DUOX2: variants seen among roughly 807,000 people sequenced by gnomAD.
DUOX2 encodes the protein dual oxidase 2.
Under a neutral mutation model 183.3 loss-of-function variants are expected in DUOX2, and 185 were observed. The observed-to-expected ratio is 1.01, with a 90% CI of 0.90 to 1.14. The LOEUF (loss-of-function observed/expected upper bound fraction) is 1.14, where lower values mean the gene tolerates loss of function less well. Among genes scored for constraint, DUOX2 ranks in the 50% most tolerant of loss-of-function variants. DUOX2 has a pLI of 0.00. For synonymous variants in DUOX2, 788 were observed against 812.4 expected, an observed-to-expected ratio of 0.97 and a Z score of 0.51; for missense variants, 1,999 against 2,022.9, an observed-to-expected ratio of 0.99 and a Z score of 0.23.
chr15:45,109,496 C>T, intron 11 of DUOX2, 28 bp downstream of exon 11: 1 of 1,608,240 alleles, frequency 6.2e-7, no homozygotes, highest in Non-Finnish European at 8.5e-7. Flanking sequence ...GGTCCCTTAC[C>T]ATCCACCCCT....
intron 9 of DUOX2, 151 bp downstream of exon 9, chr15:45,110,277 T>A (rs1459016739): frequency 2.7e-6 from 2 of 748,792 alleles, no homozygotes; most frequent in Non-Finnish European, 4.4e-6. Flanking sequence ...AGCCTACACA[T>A]CTTACCCCAG....
At chr15:45,105,956 G>A in intron 17 of DUOX2, 128 bp from the exon 18 acceptor site, 1 of 1,407,672 alleles carries the variant, frequency 7.1e-7, no homozygotes, top group Non-Finnish European at 9.8e-7. Context: ...CTGGGGCCAG[G>A]TGTGTGGACG....
chr15:45,107,943 G>T, intron 13 of DUOX2, 104 bp downstream of exon 13: 1 of 1,334,650 alleles, frequency 7.5e-7, no homozygotes, highest in Non-Finnish European at 1.1e-6. Flanking sequence ...GGTGTGGTGG[G>T]CTGACTGGGA....
chr15:45,094,865 C>T, intron 32 of DUOX2, 71 bp downstream of exon 32: 3 of 1,606,320 alleles, frequency 1.9e-6, no homozygotes, highest in South Asian at 2.2e-5. Context: ...CCCACCTGCC[C>T]TGGCCATCCT....
chr15:45,095,657 G>C lies in DUOX2; in HGVS notation c.4081-62C>G. The C allele has an allele frequency of 1.9e-6, 3 of 1,609,562 alleles. No individual in the cohort carries two copies. In the African/African-American group the frequency reaches 4.0e-5, roughly 21 times the overall value. ...CTGCCCCAGCTCTGAGACCAGAAAC[G>C]GAGACACAGGCAGAGGGAGGATACA... On this transcript the variant is annotated intron_variant, in intron 30 of 33. Coordinates refer to ENST00000389039, the MANE Select transcript of DUOX2 (RefSeq NM_001363711.2).
chr15:45,109,414 G>A, intron 11 of DUOX2, 110 bp downstream of exon 11: 1 of 873,940 alleles, frequency 1.1e-6, no homozygotes, highest in Non-Finnish European at 1.9e-6. Context: ...GTCTGTGTTT[G>A]TATCTGTGTT....
At chr15:45,094,725 G>T (rs754112119) in intron 32 of DUOX2, 34 bp from the exon 33 acceptor site, 1 of 1,612,848 alleles carries the variant, frequency 6.2e-7, no homozygotes, top group South Asian at 1.1e-5. Flanking sequence ...ACCAAAGACA[G>T]TCAGGGCCAG....
rs368681350 is a variant in DUOX2 at position 45,100,108 on chromosome 15, G to C, written c.3126C>G (p.Ile1042Met). The C allele has an allele frequency of 1.9e-6, 3 of 1,614,102 alleles. No homozygotes were observed. Among genetic ancestry groups the C allele is most frequent in the Non-Finnish European group, 2.5e-6 (3 of 1,180,046 alleles). The change falls in exon 24 of 34, where the codon ATC (isoleucine) becomes ATG (methionine). Residue 1042 changes from isoleucine to methionine, a missense_variant. Physicochemically the swap from Ile to Met is conservative, Grantham distance 10. This residue lies in a region of DUOX2 where 1,628 missense variants were observed against 1,608.6 expected (regional missense o/e 1.01). Transcript: ENST00000389039. ...KRFVENYRRH[I>M]VCVAIFSAIC... is the part of the protein sequence containing the mutation. ...TGGCCGAGAAGATTGCCACACACACGATGTGCCTCCGGTAGTTCTCCACGA... is the reference window on the plus strand; with the variant it reads ...TGGCCGAGAAGATTGCCACACACACCATGTGCCTCCGGTAGTTCTCCACGA...
chr15:45,094,522 G>A (rs773746848), intron 33 of DUOX2, 41 bp downstream of exon 33: 1 of 1,589,510 alleles, frequency 6.3e-7, no homozygotes, highest in African/African-American at 1.3e-5. Flanking sequence ...GTCCTGGCAG[G>A]AGAAGGCCAG....
In DUOX2 at chr15:45,113,353, A is replaced by G. The variant is rs1425501836; in HGVS notation, c.59T>C (p.Leu20Pro). Reference protein sequence around the residue: ...MLLGALLTGSLGPSGSQDALS... With the variant: ...MLLGALLTGSPGPSGSQDALS... ...AGCCTGATACTTGCCCGATGGACCCAGGGATCCAGTCAGAAGAGCTCCCAG... is the reference window on the plus strand; with the variant it reads ...AGCCTGATACTTGCCCGATGGACCCGGGGATCCAGTCAGAAGAGCTCCCAG... Residue 20 changes from leucine to proline, a missense_variant, in exon 2 of 34, where the codon CTG (leucine) becomes CCG (proline). Around this residue, in one of 3 missense-constraint regions of DUOX2, gnomAD observed 356 missense variants for 356.4 expected, o/e 1.00. Transcript: ENST00000389039. 2 of 1,563,940 alleles carry G rather than the reference A, an allele frequency of 1.3e-6. No homozygotes were observed. The highest frequency in any genetic ancestry group is 3.8e-5 in the Admixed American group (2 of 53,176).
chr15:45,112,553 C>G lies in DUOX2; in HGVS notation c.325+1G>C. ...CCACTGGTCTCCCCCTTTGCCCTCA[C>G]CAAAGAAGACCCCCAGTACGGTGCG... On this transcript the variant is annotated splice_donor_variant, in intron 4 of 33. Transcript: ENST00000389039. LOFTEE classifies it high-confidence loss of function. The G allele has an allele frequency of 6.2e-7, 1 of 1,612,886 alleles. No individual in the cohort carries two copies. Among genetic ancestry groups the G allele is most frequent in the Non-Finnish European group, 8.5e-7 (1 of 1,179,666 alleles).
In DUOX2 at chr15:45,099,900, C is replaced by G; in HGVS notation, c.3185-8G>C. ...GCGAGGCAAAGCCATAGTCTGGGGC[C>G]GGAGTGAGGTTACATCAGCTTGGCA... On this transcript the variant is annotated splice_polypyrimidine_tract_variant and splice_region_variant and intron_variant, in intron 24 of 33. Transcript: ENST00000389039. 1.2e-6 allele frequency: 2 copies of G among 1,613,954 alleles called. No individual in the cohort carries two copies. The highest frequency in any genetic ancestry group is 8.5e-7 in the Non-Finnish European group (1 of 1,179,854).
rs1893939482 is a variant in DUOX2, at chr15:45,097,598, C to A, written c.3693+16G>T. 6.2e-7 allele frequency: 1 copy of A among 1,614,244 alleles called. No homozygotes were observed. Among genetic ancestry groups the A allele is most frequent in the African/African-American group, 1.3e-5 (1 of 75,076 alleles). ...GAGCTCCCTGCTCCATGGGCTGGCC[C>A]AGGGAAGTCCCTCACCAGGGCATAG... On this transcript the variant is annotated intron_variant, in intron 28 of 33. Coordinates refer to ENST00000389039, the MANE Select transcript of DUOX2 (RefSeq NM_001363711.2).
intron 18 of DUOX2, among the ~76,000 whole-genome samples, chr15:45,104,896 C>T (rs1894174071): frequency 6.6e-6 from 1 of 152,230 alleles, no homozygotes; most frequent in Non-Finnish European, 1.5e-5. Flanking sequence ...TCTTGGCTCA[C>T]TGCAACCTCC....
At position 45,094,008 on chromosome 15, in the gene DUOX2, T is replaced by C. The variant is rs917966937; in HGVS notation, c.*142A>G. The C allele has an allele frequency of 1.8e-6, 2 of 1,083,440 alleles. No homozygotes were observed. The highest frequency in any genetic ancestry group is 3.1e-5 in the African/African-American group (2 of 64,046). The allele number at this position is 1,083,440 out of a possible 1,614,324, so 67.1% of individuals were successfully genotyped here. A position where few individuals can be genotyped will look rare whatever the true frequency, so the allele number is the denominator to read the frequency against. On this transcript the variant is annotated 3_prime_UTR_variant, in exon 34 of 34. Transcript: ENST00000389039. The stretch of plus-strand genomic sequence containing the variant: ...TGTATAATTGTCTGGGTCAATATTC[T>C]CCCAATATTGGGAGGGGCTCTGCAG...
intron 8 of DUOX2, 45 bp from the exon 9 acceptor site, chr15:45,110,569 T>G (rs1309691489): frequency 1.9e-6 from 3 of 1,613,706 alleles, no homozygotes; most frequent in Non-Finnish European, 2.5e-6. Flanking sequence ...GCTTCTTGCC[T>G]CCACATCCTC....
At position 45,094,166 on chromosome 15, in the gene DUOX2, T is replaced by C. The variant is rs754342496; in HGVS notation, c.4631A>G (p.His1544Arg). ...AGGACAGGCTCAGAAGTTCTCATAG[T>C]GGTGCATGAAGTGGGCTCGGTCCTG... ...NRQDRAHFMHHYENF is the reference protein window; with the variant it reads ...NRQDRAHFMHRYENF Residue 1544 changes from histidine to arginine, a missense_variant, in exon 34 of 34, where the codon CAC becomes CGC. Physicochemically the swap from His to Arg is conservative, Grantham distance 29 (BLOSUM62 0). Transcript: ENST00000389039. 15 of 1,613,926 alleles carry C rather than the reference T, an allele frequency of 9.3e-6. No homozygotes were observed. In the East Asian group the frequency reaches 2.5e-4, roughly 26 times the overall value.
At chr15:45,107,869 A>AG (rs1363420494) in intron 13 of DUOX2, among the ~76,000 whole-genome samples, 178 bp downstream of exon 13, 30 of 10,456 alleles carry the variant, frequency 2.9e-3, no homozygotes, top group African/African-American at 7.8e-3. Context: ...AAAAAAAAAA[A>AG]AAAGAAAAAG....
intron 1 of DUOX2, 179 bp from the exon 2 acceptor site, chr15:45,113,604 A>G: frequency 1.6e-6 from 1 of 630,496 alleles, no homozygotes. Context: ...CACTCTTTCC[A>G]GGACAATTGG....
Sources: gnomAD v4.1 joint callset for allele counts (sites outside exome capture counted in the v4.1 genomes callset) on GRCh38, gnomAD v4.1.1 for gene constraint, gnomAD v4.1.1 regional missense constraint, MANE v1.5 for transcripts, NCBI Gene and HGNC (gene_info 2026-07-23, HGNC 2026-07-21) for gene names.